ABTB2: variants seen among roughly 807,000 people sequenced by gnomAD.
The protein encoded by ABTB2 is ankyrin repeat and BTB/POZ domain-containing protein 2.
In ABTB2, 56 loss-of-function variants were observed where a neutral mutation model predicts 104.1. The observed-to-expected ratio is 0.54, with a 90% confidence interval of 0.43 to 0.67. The LOEUF is 0.67. Ranked by LOEUF, ABTB2 falls within the 30% of genes least tolerant of loss-of-function variation. The pLI is 0.00. For synonymous variants in ABTB2, 606 were observed against 608.2 expected, an observed-to-expected ratio of 1.00 and a Z score of 0.05; for missense variants, 1,279 against 1,407.7, an observed-to-expected ratio of 0.91 and a Z score of 1.46.
At chr11:34,279,032 T>C (rs1564922057) in intron 1 of ABTB2, among the ~76,000 whole-genome samples, 2 of 152,212 alleles carry the variant, frequency 1.3e-5, no homozygotes, top group Non-Finnish European at 1.5e-5. Flanking sequence ...TCCATGGGTA[T>C]AATGTGTCTG....
At chr11:34,214,192 T>C (rs747610436) in intron 1 of ABTB2, among the ~76,000 whole-genome samples, 24 of 127,146 alleles carry the variant, frequency 1.9e-4, no homozygotes, top group Non-Finnish European at 3.5e-4. Flanking sequence ...AATGGAGAAA[T>C]TAAGGATGGA....
intron 1 of ABTB2, among the ~76,000 whole-genome samples, chr11:34,301,944 G>A (rs1359105616): frequency 1.3e-5 from 2 of 152,188 alleles, no homozygotes; most frequent in African/African-American, 4.8e-5. Context: ...CCAAGATGGT[G>A]CCACTGCACT....
rs150623074 is a variant in ABTB2, at chr11:34,266,350, G to C, written c.884-61660C>G. ...TCTTCCTGCCTCAGCCTCCCGAAGT[G>C]CTGGGATTACAGGCATAAGCCACTG... On this transcript the variant is annotated intron_variant, in intron 1 of 16. Transcript: ENST00000435224. 6.3e-3 allele frequency among the ~76,000 whole-genome samples: 953 copies of C among 152,266 alleles called. 13 individuals are homozygous for C. The highest frequency in any genetic ancestry group is 0.021 in the African/African-American group (889 of 41,536).
At chr11:34,181,236 GAAAA>G (rs1374798644) in intron 3 of ABTB2, among the ~76,000 whole-genome samples, 1 of 114,344 alleles carries the variant, frequency 8.7e-6, no homozygotes. Context: ...CTGCAGCCTG[GAAAA>G]CAAACAAACA....
rs535164923 is a variant in ABTB2 at position 34,287,776 on chromosome 11, C to T, written c.883+68925G>A. On this transcript the variant is annotated intron_variant, in intron 1 of 16. Transcript: ENST00000435224. ...GGAGAGGCCTTTCCTGAGCCCTCTC[C>T]GTAAGGCAGCTGAACCCTCTCCTCA... Among the ~76,000 whole-genome samples, 29 of 152,258 alleles carry T rather than the reference C, an allele frequency of 1.9e-4. 1 individual carries two copies. Among genetic ancestry groups the T allele is most frequent in the Non-Finnish European group, 2.6e-4 (18 of 68,008 alleles).
Position 34,255,928 on chromosome 11 carries a change from C to T in ABTB2, c.884-51238G>A, listed in dbSNP as rs371834978. ...ATGGCCTCAAGGACATTCCAAATGTCTTCTTAAGTAAAACCCAACTCCTGA... is the reference window on the plus strand; with the variant it reads ...ATGGCCTCAAGGACATTCCAAATGTTTTCTTAAGTAAAACCCAACTCCTGA... On this transcript the variant is annotated intron_variant, in intron 1 of 16. Coordinates refer to ENST00000435224, the MANE Select transcript of ABTB2 (RefSeq NM_145804.3). Among the ~76,000 whole-genome samples the T allele has an allele frequency of 1.8e-4, 27 of 152,304 alleles. No homozygotes were observed. The East Asian group carries it at 2.9e-3, about 16-fold the overall frequency.
At chr11:34,289,748 G>T (rs541177552) in intron 1 of ABTB2, among the ~76,000 whole-genome samples, 2 of 152,248 alleles carry the variant, frequency 1.3e-5, no homozygotes, top group Admixed American at 1.3e-4. Context: ...GACAGAGTGG[G>T]TCTTGCCCTC....
intron 1 of ABTB2, among the ~76,000 whole-genome samples, chr11:34,261,079 T>A (rs755381673): frequency 6.6e-6 from 1 of 152,016 alleles, no homozygotes; most frequent in Non-Finnish European, 1.5e-5. Context: ...GCAGAGATTG[T>A]ACCACTGCAC....
chr11:34,315,390 C>G (rs146523023), intron 1 of ABTB2, among the ~76,000 whole-genome samples: 1 of 152,264 alleles, frequency 6.6e-6, no homozygotes, highest in East Asian at 1.9e-4. Flanking sequence ...TGACATGGGG[C>G]TCTGAGGGTC....
chr11:34,355,432 C>G (rs781269791), intron 1 of ABTB2, among the ~76,000 whole-genome samples: 2 of 152,130 alleles, frequency 1.3e-5, no homozygotes, highest in African/African-American at 2.4e-5. Flanking sequence ...CTGCTGGGTA[C>G]CTTGGTTTCC....
rs948144708 is a variant in ABTB2, at chr11:34,151,056, CAGTT to C, written c.*1327_*1330del. ...TACAGTAAGTGACAACATTATTGTACAGTTAAAGTATCATACAATATTACAGCAA... is the reference window on the plus strand; with the variant it reads ...TACAGTAAGTGACAACATTATTGTACAAAGTATCATACAATATTACAGCAA... On this transcript the variant is annotated 3_prime_UTR_variant, in exon 17 of 17. Coordinates refer to ENST00000435224, the MANE Select transcript of ABTB2 (RefSeq NM_145804.3). 2 of 152,722 alleles carry C rather than the reference CAGTT, an allele frequency of 1.3e-5. No individual in the cohort carries two copies. Among genetic ancestry groups the C allele is most frequent in the Non-Finnish European group, 2.9e-5 (2 of 68,104 alleles). The allele number at this position is 152,722 out of a possible 1,614,324, so 9.5% of individuals were successfully genotyped here.
chr11:34,202,127 A>G (rs1853348770), intron 2 of ABTB2, among the ~76,000 whole-genome samples: 1 of 152,234 alleles, frequency 6.6e-6, no homozygotes, highest in African/African-American at 2.4e-5. Context: ...AACTATTCGT[A>G]AGTAAATATA....
At chr11:34,186,184 C>A (rs1446302238) in intron 3 of ABTB2, among the ~76,000 whole-genome samples, 1 of 152,278 alleles carries the variant, frequency 6.6e-6, no homozygotes, top group East Asian at 1.9e-4. Flanking sequence ...GAAGGCTGGG[C>A]TCCAGTGCCT....
chr11:34,231,653 C>T (rs59517626), intron 1 of ABTB2, among the ~76,000 whole-genome samples: 4,366 of 152,248 alleles, frequency 0.029, 201 homozygotes, highest in African/African-American at 0.094. Flanking sequence ...TCACTGCAAA[C>T]TCCGCCTCCT....
intron 3 of ABTB2, among the ~76,000 whole-genome samples, chr11:34,190,265 G>GGC (rs1554981962): frequency 2.8e-5 from 2 of 72,422 alleles, no homozygotes; most frequent in Non-Finnish European, 5.6e-5. Context: ...CTGCCCCGCT[G>GGC]CCCCCCCAAA....
intron 3 of ABTB2, among the ~76,000 whole-genome samples, chr11:34,195,075 C>CGGTGG (rs1554982289): frequency 1.7e-4 from 3 of 18,066 alleles, no homozygotes; most frequent in Non-Finnish European, 4.0e-4. Context: ...AGATGCCCGG[C>CGGTGG]GGGGGGGGGG....
At position 34,302,972 on chromosome 11, in the gene ABTB2, C is replaced by T. The variant is rs192418211; in HGVS notation, c.883+53729G>A. ...AGATAAGGACCTGATAAGACACCTC[C>T]AGCCCAATTTCCTGGCTCTGGCAGA... On this transcript the variant is annotated intron_variant, in intron 1 of 16. Coordinates refer to ENST00000435224, the MANE Select transcript of ABTB2 (RefSeq NM_145804.3). Among the ~76,000 whole-genome samples the T allele has an allele frequency of 1.5e-3, 228 of 152,310 alleles. 1 individual carries two copies. The highest frequency in any genetic ancestry group is 3.1e-3 in the Admixed American group (47 of 15,298).
Position 34,329,923 on chromosome 11 carries a change from A to G in ABTB2, c.883+26778T>C, listed in dbSNP as rs114273925. Reference sequence around the variant, plus strand: ...CTACTTTATGGTTTCTTAGCTTTAAATTACTTAGGAAATGAGAATGATGCA... The same window carrying G: ...CTACTTTATGGTTTCTTAGCTTTAAGTTACTTAGGAAATGAGAATGATGCA... On this transcript the variant is annotated intron_variant, in intron 1 of 16. Coordinates refer to ENST00000435224, the MANE Select transcript of ABTB2 (RefSeq NM_145804.3). 7.0e-3 allele frequency among the ~76,000 whole-genome samples: 1,060 copies of G among 152,324 alleles called. 7 individuals are homozygous for G. Among genetic ancestry groups the G allele is most frequent in the African/African-American group, 0.025 (1,029 of 41,570 alleles).
chr11:34,356,072 G>A lies in ABTB2; in HGVS notation c.883+629C>T, dbSNP rs991339670. Among the ~76,000 whole-genome samples, 2 of 152,052 alleles carry A rather than the reference G, an allele frequency of 1.3e-5. No individual in the cohort carries two copies. Among genetic ancestry groups the A allele is most frequent in the South Asian group, 2.1e-4 (1 of 4,822 alleles). ...GGTTACTTTTCTGGGAAGGGGAGTC[G>A]GGGTCCCCAGGTTTCATCATTCCTG... On this transcript the variant is annotated intron_variant, in intron 1 of 16. Coordinates refer to ENST00000435224, the MANE Select transcript of ABTB2 (RefSeq NM_145804.3). This position sits in a 1 kb window ranked among gnomAD's most constrained non-coding sequence, Gnocchi z 4.6.
Sources: allele counts gnomAD v4.1 joint callset (sites outside exome capture counted in the v4.1 genomes callset), GRCh38; gene constraint gnomAD v4.1.1; non-coding constraint Gnocchi (gnomAD v3.1); transcripts MANE v1.5; gene names NCBI Gene and HGNC (gene_info 2026-07-23, HGNC 2026-07-21).